Variants in GPATCH2 observed in about 807,000 individuals in gnomAD.
The protein encoded by GPATCH2 is G patch domain-containing protein 2.
Under a neutral mutation model 58.0 loss-of-function variants are expected in GPATCH2, and 51 were observed. The ratio of observed to expected loss-of-function variants is 0.88; its 90% confidence interval spans 0.70 to 1.11. The LOEUF (loss-of-function observed/expected upper bound fraction) is 1.11, where lower values mean the gene tolerates loss of function less well. Ranked by LOEUF, GPATCH2 falls within the 50% of genes most tolerant of loss-of-function variation. GPATCH2 has a pLI of 0.00. For synonymous variants in GPATCH2, 222 were observed against 218.5 expected (o/e 1.02, Z -0.14); for missense variants, 625 against 652.2 (o/e 0.96, Z 0.45).
Position 217,453,240 on chromosome 1 carries a change from G to A in GPATCH2, c.1278-3903C>T, listed in dbSNP as rs141819257. ...AGTGTTTTGAGAATGACAATGCAAC[G>A]TCCTAGGAACAGACCCAAAGTTATT... On this transcript the variant is annotated intron_variant, in intron 8 of 9. Transcript: ENST00000366935. Among the ~76,000 whole-genome samples the A allele has an allele frequency of 6.8e-3, 1,038 of 152,212 alleles. 16 individuals carry two copies. Among genetic ancestry groups the A allele is most frequent in the African/African-American group, 0.023 (949 of 41,528 alleles).
At chr1:217,551,515 GTTAATATTCAAAGAACCAAGACTGCTA>G (rs1204076322) in intron 5 of GPATCH2, among the ~76,000 whole-genome samples, 1 of 152,050 alleles carries the variant, frequency 6.6e-6, no homozygotes, top group Non-Finnish European at 1.5e-5. Flanking sequence ...ACCGCTCTAG[GTTAATATTCAAAGAACCAAGACTGCTA>G]GTCTTCTCTA....
At chr1:217,491,577 T>G in intron 8 of GPATCH2, 103 bp downstream of exon 8, 1 of 523,244 alleles carries the variant, frequency 1.9e-6, no homozygotes. Context: ...TATTTTAAGG[T>G]GACTTTTTAG....
chr1:217,544,432 G>C (rs1462646920), intron 5 of GPATCH2, among the ~76,000 whole-genome samples: 8 of 151,990 alleles, frequency 5.3e-5, no homozygotes, highest in African/African-American at 1.7e-4. Flanking sequence ...ATTCTCCTGC[G>C]TCCACTATCC....
At chr1:217,480,960 A>G (rs1028754866) in intron 8 of GPATCH2, among the ~76,000 whole-genome samples, 1 of 152,156 alleles carries the variant, frequency 6.6e-6, no homozygotes, top group African/African-American at 2.4e-5. Flanking sequence ...AATCAAAACA[A>G]TTGAACTCAT....
chr1:217,531,098 G>A (rs771790165), intron 5 of GPATCH2, among the ~76,000 whole-genome samples: 9 of 151,294 alleles, frequency 5.9e-5, no homozygotes, highest in Non-Finnish European at 1.2e-4. Flanking sequence ...ACAAAATAAC[G>A]ATGCAGAACC....
chr1:217,594,247 C>T (rs944771706), intron 5 of GPATCH2, among the ~76,000 whole-genome samples: 24 of 151,928 alleles, frequency 1.6e-4, no homozygotes, highest in African/African-American at 5.8e-4. Context: ...TCTACAGGAG[C>T]TAATATTTCT....
At chr1:217,525,179 T>C (rs535470567) in intron 5 of GPATCH2, among the ~76,000 whole-genome samples, 111 of 151,988 alleles carry the variant, frequency 7.3e-4, no homozygotes, top group African/African-American at 2.6e-3. Context: ...GTAACAATAT[T>C]CCAGTATATT....
At chr1:217,543,546 G>C (rs1013258730) in intron 5 of GPATCH2, among the ~76,000 whole-genome samples, 1 of 152,108 alleles carries the variant, frequency 6.6e-6, no homozygotes, top group African/African-American at 2.4e-5. Context: ...TGGGATTACA[G>C]GCGTGAGCCA....
intron 5 of GPATCH2, among the ~76,000 whole-genome samples, chr1:217,578,411 C>T (rs1038564073): frequency 6.6e-5 from 10 of 151,988 alleles, no homozygotes; most frequent in Admixed American, 5.9e-4. Flanking sequence ...CCACCAGGCC[C>T]GACTAATTTT....
chr1:217,452,379 T>TA (rs1659707210), intron 8 of GPATCH2, among the ~76,000 whole-genome samples: 1 of 152,312 alleles, frequency 6.6e-6, no homozygotes, highest in Middle Eastern at 3.4e-3. Flanking sequence ...CTAAAACAAT[T>TA]ATTAGCCAGG....
rs1397934209 is a variant in GPATCH2 at position 217,427,473 on chromosome 1, ACT to A, written c.*3670_*3671del. 4.6e-5 allele frequency: 7 copies of A among 152,156 alleles called. No homozygotes were observed. Among genetic ancestry groups the A allele is most frequent in the African/African-American group, 1.4e-4 (6 of 41,436 alleles). 9.4% of individuals were successfully genotyped at this position (152,156 alleles called of 1,614,324 possible). A position where few individuals can be genotyped will look rare whatever the true frequency, so the allele number is the denominator to read the frequency against. On this transcript the variant is annotated 3_prime_UTR_variant, in exon 10 of 10. Transcript: ENST00000366935. ...AAGTACTTTCAACTTTTAAAAAATA[ACT>A]CTAAGGTAAAAGGGAAACATTTAAA... is the stretch of plus-strand genomic sequence containing the variant.
chr1:217,614,718 AT>A (rs1265343318), intron 2 of GPATCH2, among the ~76,000 whole-genome samples: 11 of 151,928 alleles, frequency 7.2e-5, no homozygotes, highest in African/African-American at 2.4e-4. Flanking sequence ...TTTGCAAGGA[AT>A]AAAAAGTTTA....
chr1:217,567,226 A>C (rs1666293421), intron 5 of GPATCH2, among the ~76,000 whole-genome samples: 1 of 151,944 alleles, frequency 6.6e-6, no homozygotes, highest in South Asian at 2.1e-4. Flanking sequence ...TTGTATTTTT[A>C]CTAGAGACGG....
At chr1:217,457,565 C>T (rs1022353661) in intron 8 of GPATCH2, among the ~76,000 whole-genome samples, 1 of 152,114 alleles carries the variant, frequency 6.6e-6, no homozygotes, top group African/African-American at 2.4e-5. Flanking sequence ...AGGCACTTTC[C>T]ATACAATACA....
intron 5 of GPATCH2, among the ~76,000 whole-genome samples, chr1:217,560,009 T>C (rs1173359857): frequency 2.0e-5 from 3 of 152,056 alleles, no homozygotes; most frequent in African/African-American, 7.2e-5. Context: ...CCACCATGCC[T>C]GGCTAATTTT....
chr1:217,476,799 A>G lies in GPATCH2; in HGVS notation c.1277+14881T>C, dbSNP rs12077850. ...TTTAAATAAATTTGAAAGGCAGTCT[A>G]TGCCACAAAGACTGCAACTCCTAGG... On this transcript the variant is annotated intron_variant, in intron 8 of 9. Transcript: ENST00000366935. 4.4e-3 allele frequency among the ~76,000 whole-genome samples: 669 copies of G among 152,294 alleles called. 7 individuals are homozygous for G. The highest frequency in any genetic ancestry group is 0.015 in the African/African-American group (625 of 41,576).
intron 8 of GPATCH2, among the ~76,000 whole-genome samples, chr1:217,469,069 A>G (rs758207945): frequency 6.6e-6 from 1 of 152,178 alleles, no homozygotes; most frequent in African/African-American, 2.4e-5. Flanking sequence ...ATTTGAAATT[A>G]AATTAAGTTA....
chr1:217,464,996 T>G (rs1660378175), intron 8 of GPATCH2, among the ~76,000 whole-genome samples: 1 of 151,786 alleles, frequency 6.6e-6, no homozygotes, highest in South Asian at 2.1e-4. Flanking sequence ...ATAGAAGATA[T>G]ATGAAAAAGT....
At chr1:217,519,688 A>T (rs1315531867) in intron 5 of GPATCH2, among the ~76,000 whole-genome samples, 2 of 152,196 alleles carry the variant, frequency 1.3e-5, no homozygotes, top group African/African-American at 4.8e-5. Context: ...TTAATGAGAT[A>T]TGCATGCAAG....
Sources: allele counts gnomAD v4.1 joint callset (sites outside exome capture counted in the v4.1 genomes callset), GRCh38; gene constraint gnomAD v4.1.1; transcripts MANE v1.5; gene names NCBI Gene and HGNC (gene_info 2026-07-23, HGNC 2026-07-21).